GRIA4: variants seen among roughly 807,000 people sequenced by gnomAD.
GRIA4 encodes the protein glutamate ionotropic receptor AMPA type subunit 4.
A neutral mutation model predicts 104.0 loss-of-function variants in GRIA4; 34 were observed. The ratio of observed to expected loss-of-function variants is 0.33; its 90% CI spans 0.25 to 0.44. The LOEUF (loss-of-function observed/expected upper bound fraction) is 0.44, where lower values mean the gene tolerates loss of function less well. Among genes scored for constraint, GRIA4 ranks in the 20% least tolerant of loss-of-function variants. The pLI is 1.00. For synonymous variants in GRIA4, 386 were observed against 381.9 expected (o/e 1.01, Z -0.13); for missense variants, 750 against 1,096.5 (o/e 0.68, Z 4.46).
intron 4 of GRIA4, among the ~76,000 whole-genome samples, chr11:105,822,833 A>G (rs1363779130): frequency 6.6e-6 from 1 of 152,148 alleles, no homozygotes; most frequent in African/African-American, 2.4e-5. Context: ...ATGGGAGTGT[A>G]TAATATTTGC....
At chr11:105,649,389 T>C (rs1951623401) in intron 3 of GRIA4, among the ~76,000 whole-genome samples, 1 of 152,170 alleles carries the variant, frequency 6.6e-6, no homozygotes, top group Non-Finnish European at 1.5e-5. Context: ...TAGAAAACAA[T>C]GTGTGCCATT....
At chr11:105,880,010 T>C (rs1945989478) in intron 5 of GRIA4, among the ~76,000 whole-genome samples, 1 of 152,198 alleles carries the variant, frequency 6.6e-6, no homozygotes, top group South Asian at 2.1e-4. Context: ...TAATTGTTTA[T>C]GAAAGGAAGG....
intron 9 of GRIA4, among the ~76,000 whole-genome samples, chr11:105,908,450 G>T (rs1001957621): frequency 6.6e-6 from 1 of 151,992 alleles, no homozygotes; most frequent in Admixed American, 6.6e-5. Context: ...TGAGGTCTGG[G>T]TCCAAACTTT....
chr11:105,751,462 C>T (rs1939991482), intron 3 of GRIA4, among the ~76,000 whole-genome samples: 1 of 152,078 alleles, frequency 6.6e-6, no homozygotes, highest in African/African-American at 2.4e-5. Context: ...TAGAAACTTC[C>T]TTATATCTTG....
At chr11:105,850,659 G>A (rs1030845939) in intron 4 of GRIA4, among the ~76,000 whole-genome samples, 1 of 152,140 alleles carries the variant, frequency 6.6e-6, no homozygotes, top group Non-Finnish European at 1.5e-5. Flanking sequence ...GTTCATTATT[G>A]TAATCTTTGC....
chr11:105,927,575 T>C (rs549355816), intron 13 of GRIA4, among the ~76,000 whole-genome samples: 1 of 152,230 alleles, frequency 6.6e-6, no homozygotes, highest in African/African-American at 2.4e-5. Context: ...CATATATGGA[T>C]ACATGTATAA....
intron 11 of GRIA4, 28 bp from the exon 12 acceptor site, chr11:105,924,369 ATG>A: frequency 6.6e-7 from 1 of 1,511,938 alleles, no homozygotes; most frequent in Non-Finnish European, 9.0e-7. Flanking sequence ...TCATTAACCT[ATG>A]TGTCTCCATG....
At chr11:105,875,399 G>A (rs1252427384) in intron 5 of GRIA4, among the ~76,000 whole-genome samples, 3 of 152,144 alleles carry the variant, frequency 2.0e-5, no homozygotes, top group Non-Finnish European at 4.4e-5. Context: ...TCTCTGCCAG[G>A]TTTTGGTAAC....
intron 3 of GRIA4, among the ~76,000 whole-genome samples, chr11:105,646,689 G>C (rs1024673992): frequency 1.1e-4 from 16 of 152,128 alleles, no homozygotes; most frequent in Non-Finnish European, 1.8e-4. Flanking sequence ...TAAGCAATGA[G>C]GAAAGAATTC....
At chr11:105,746,149 A>G (rs1389525534) in intron 3 of GRIA4, among the ~76,000 whole-genome samples, 1 of 151,988 alleles carries the variant, frequency 6.6e-6, no homozygotes, top group Non-Finnish European at 1.5e-5. Context: ...TATTGTAGGT[A>G]GGAAAAAAGA....
chr11:105,825,006 G>A (rs1215694177), intron 4 of GRIA4, among the ~76,000 whole-genome samples: 1 of 151,986 alleles, frequency 6.6e-6, no homozygotes, highest in Non-Finnish European at 1.5e-5. Flanking sequence ...TGAGGTCAGT[G>A]AACGACTCAG....
Position 105,979,750 on chromosome 11 carries a change from A to T in GRIA4, c.*11A>T, listed in dbSNP as rs371452326. 1 of 1,605,452 alleles carries T rather than the reference A, an allele frequency of 6.2e-7. No individual in the cohort carries two copies. The highest frequency in any genetic ancestry group is 8.5e-7 in the Non-Finnish European group (1 of 1,172,530). The stretch of plus-strand genomic sequence containing the variant: ...TCGGACCTACCATAAAAACCAAAAA[A>T]ATAATTGAGTGCCTTAATTAAACTG... On this transcript the variant is annotated 3_prime_UTR_variant, in exon 17 of 17. Transcript: ENST00000282499.
chr11:105,957,468 A>T (rs1442047826), intron 14 of GRIA4, among the ~76,000 whole-genome samples: 2 of 152,118 alleles, frequency 1.3e-5, no homozygotes, highest in African/African-American at 4.8e-5. Flanking sequence ...CCATTGGTCT[A>T]TATCTCCGTT....
chr11:105,871,156 A>T (rs1041031899), intron 5 of GRIA4, among the ~76,000 whole-genome samples: 1 of 152,134 alleles, frequency 6.6e-6, no homozygotes, highest in South Asian at 2.1e-4. Context: ...ATATAATGCC[A>T]TATAGTGATA....
At chr11:105,867,087 C>A (rs902705165) in intron 5 of GRIA4, among the ~76,000 whole-genome samples, 11 of 151,912 alleles carry the variant, frequency 7.2e-5, no homozygotes, top group African/African-American at 2.7e-4. Flanking sequence ...ATTTAGTGTC[C>A]CATCAGACAC....
At chr11:105,664,102 G>A (rs1006091414) in intron 3 of GRIA4, among the ~76,000 whole-genome samples, 2 of 146,730 alleles carry the variant, frequency 1.4e-5, no homozygotes, top group Admixed American at 7.0e-5. Flanking sequence ...TGAGTATCTA[G>A]TATGTGTGAT....
intron 4 of GRIA4, among the ~76,000 whole-genome samples, chr11:105,815,510 T>C (rs1388795945): frequency 6.6e-6 from 1 of 152,156 alleles, no homozygotes; most frequent in Non-Finnish European, 1.5e-5. Flanking sequence ...CCGAATGCCC[T>C]CATGTGTTGG....
At chr11:105,691,351 A>G (rs999587672) in intron 3 of GRIA4, among the ~76,000 whole-genome samples, 5 of 152,182 alleles carry the variant, frequency 3.3e-5, no homozygotes, top group Non-Finnish European at 5.9e-5. Context: ...AAAATGAAGA[A>G]ATAAAATAAC....
chr11:105,787,804 A>T (rs894316644), intron 4 of GRIA4, among the ~76,000 whole-genome samples: 1 of 151,896 alleles, frequency 6.6e-6, no homozygotes, highest in Non-Finnish European at 1.5e-5. Flanking sequence ...ACATTTAAAA[A>T]TTTTGCTTAA....
Sources: gnomAD v4.1 joint callset for allele counts (sites outside exome capture counted in the v4.1 genomes callset) on GRCh38, gnomAD v4.1.1 for gene constraint, MANE v1.5 for transcripts, NCBI Gene and HGNC (gene_info 2026-07-23, HGNC 2026-07-21) for gene names.